Variants in ENTHD1 observed in about 807,000 individuals in gnomAD.
ENTHD1 encodes the protein ENTH domain-containing protein 1.
Under a neutral mutation model 39.1 loss-of-function variants are expected in ENTHD1, and 23 were observed. The observed-to-expected ratio is 0.59, with a 90% CI of 0.42 to 0.83. The LOEUF (loss-of-function observed/expected upper bound fraction) is 0.83. Among genes scored for constraint, ENTHD1 ranks in the 40% least tolerant of loss-of-function variants. The pLI is 0.00. For synonymous variants in ENTHD1, 230 were observed against 258.2 expected, an observed-to-expected ratio of 0.89 and a Z score of 1.05; for missense variants, 624 against 705.4, an observed-to-expected ratio of 0.88 and a Z score of 1.31.
intron 5 of ENTHD1, among the ~76,000 whole-genome samples, chr22:39,808,792 T>C (rs1228890776): frequency 2.0e-5 from 3 of 152,192 alleles, no homozygotes; most frequent in Non-Finnish European, 4.4e-5. Context: ...TTACCACCCT[T>C]CTGGTCTTTT....
rs374852352 is a variant in ENTHD1, at chr22:39,770,352, C to A, written c.833-4743G>T. ...GCTCCTGACTGCAACACCCTTGCAA[C>A]GCTTCTCCACTCCATCGGTGGAGAA... On this transcript the variant is annotated intron_variant, in intron 5 of 6. Coordinates refer to ENST00000325157, the MANE Select transcript of ENTHD1 (RefSeq NM_152512.4). 1.4e-3 allele frequency among the ~76,000 whole-genome samples: 208 copies of A among 152,272 alleles called. 4 individuals carry two copies. In the South Asian group the frequency reaches 0.041, roughly 30 times the overall value.
rs528664825 is a variant in ENTHD1 at position 39,867,063 on chromosome 22, C to T, written c.350-5056G>A. On this transcript the variant is annotated intron_variant, in intron 2 of 6. Coordinates refer to ENST00000325157, the MANE Select transcript of ENTHD1 (RefSeq NM_152512.4). The surrounding 1 kb of genome is among the most constrained non-coding windows in gnomAD (Gnocchi z 4.5). ...GACTACAGGCGCCCGCCACCAGGCC[C>T]GGCTAATTTTTTTGCATTTTTAGTA... is the stretch of plus-strand genomic sequence containing the variant. 2.3e-3 allele frequency among the ~76,000 whole-genome samples: 351 copies of T among 152,098 alleles called. 2 individuals are homozygous for T. Among genetic ancestry groups the T allele is most frequent in the African/African-American group, 7.1e-3 (296 of 41,484 alleles).
chr22:39,765,199 T>G (rs771854111), intron 6 of ENTHD1, 24 bp downstream of exon 6: 1 of 1,557,180 alleles, frequency 6.4e-7, no homozygotes, highest in African/African-American at 1.4e-5. Flanking sequence ...TGTGTGTGTG[T>G]GTGTGTGTGT....
intron 3 of ENTHD1, among the ~76,000 whole-genome samples, chr22:39,842,638 A>G (rs1405000031): frequency 1.3e-5 from 2 of 152,114 alleles, no homozygotes; most frequent in African/African-American, 2.4e-5. Context: ...GAGCTTCTGT[A>G]CAGCAAAAGA....
chr22:39,792,533 C>A (rs1030492301), intron 5 of ENTHD1, among the ~76,000 whole-genome samples: 1 of 152,086 alleles, frequency 6.6e-6, no homozygotes, highest in Non-Finnish European at 1.5e-5. Flanking sequence ...AATTGCAAAT[C>A]TGTGCTGATG....
chr22:39,816,494 A>G (rs1291784069), intron 5 of ENTHD1, among the ~76,000 whole-genome samples: 1 of 152,234 alleles, frequency 6.6e-6, no homozygotes, highest in Admixed American at 6.5e-5. Context: ...AACAGACCAG[A>G]ACAAGAAAAG....
intron 3 of ENTHD1, among the ~76,000 whole-genome samples, chr22:39,838,051 G>A (rs982171736): frequency 6.6e-6 from 1 of 152,162 alleles, no homozygotes; most frequent in African/African-American, 2.4e-5. Flanking sequence ...GTTCTGTAGA[G>A]TTGATGAAAG....
intron 5 of ENTHD1, among the ~76,000 whole-genome samples, chr22:39,768,751 T>C (rs1205206008): frequency 6.6e-6 from 1 of 152,116 alleles, no homozygotes; most frequent in African/African-American, 2.4e-5. Context: ...ATATCAACTT[T>C]ATATGTTGAT....
chr22:39,784,543 T>TACACACACACACACAC (rs3044403), intron 5 of ENTHD1, among the ~76,000 whole-genome samples: 336 of 142,350 alleles, frequency 2.4e-3, no homozygotes, highest in South Asian at 7.3e-3. Context: ...TCTCTCTGTA[T>TACACACACACACACAC]ACACACACAC....
chr22:39,827,284 G>A (rs911212522), intron 4 of ENTHD1, among the ~76,000 whole-genome samples: 5 of 151,966 alleles, frequency 3.3e-5, no homozygotes, highest in Non-Finnish European at 2.9e-5. Context: ...CAAAGAGCTG[G>A]GATTACAGGC....
chr22:39,877,073 G>A (rs1041966084), intron 2 of ENTHD1, among the ~76,000 whole-genome samples: 4 of 152,176 alleles, frequency 2.6e-5, no homozygotes, highest in African/African-American at 4.8e-5. Context: ...GATTCAGGAC[G>A]ATCACTTGGG....
Position 39,887,843 on chromosome 22 carries a change from C to T in ENTHD1, c.-95G>A, listed in dbSNP as rs2066393460. 2.5e-6 allele frequency: 2 copies of T among 798,076 alleles called. No homozygotes were observed. The highest frequency in any genetic ancestry group is 3.9e-6 in the Non-Finnish European group (2 of 515,368). The allele number at this position is 798,076 out of a possible 1,614,324, so 49.4% of individuals were successfully genotyped here. A position where few individuals can be genotyped will look rare whatever the true frequency, so the allele number is the denominator to read the frequency against. ...TAAAACTCTTGACAGGTAATTGGTC[C>T]CCAGTTCTGCTGCTCCCAAATACAA... On this transcript the variant is annotated 5_prime_UTR_variant, in exon 2 of 7. Transcript: ENST00000325157.
intron 4 of ENTHD1, among the ~76,000 whole-genome samples, chr22:39,829,528 T>C (rs2065851064): frequency 6.6e-6 from 1 of 152,130 alleles, no homozygotes; most frequent in African/African-American, 2.4e-5. Context: ...CTCACGCCTG[T>C]TATCTCAGCA....
chr22:39,772,168 C>A (rs1436018980), intron 5 of ENTHD1, among the ~76,000 whole-genome samples: 2 of 152,146 alleles, frequency 1.3e-5, no homozygotes, highest in Non-Finnish European at 2.9e-5. Flanking sequence ...TACCTCAGAT[C>A]ATGTGGCATT....
At chr22:39,883,373 T>C (rs1445528128) in intron 2 of ENTHD1, among the ~76,000 whole-genome samples, 1 of 152,122 alleles carries the variant, frequency 6.6e-6, no homozygotes, top group Non-Finnish European at 1.5e-5. Flanking sequence ...CCTTATCTTA[T>C]ACATATAAAA....
chr22:39,831,512 T>C (rs1175251746), intron 4 of ENTHD1, among the ~76,000 whole-genome samples: 1 of 152,060 alleles, frequency 6.6e-6, no homozygotes, highest in Non-Finnish European at 1.5e-5. Flanking sequence ...AATTCACTCC[T>C]GAAAAAGTCA....
chr22:39,791,470 C>A (rs901805542), intron 5 of ENTHD1, among the ~76,000 whole-genome samples: 2 of 151,986 alleles, frequency 1.3e-5, no homozygotes, highest in Non-Finnish European at 2.9e-5. Context: ...CCTCAGCTCA[C>A]TGCAACCTCC....
intron 6 of ENTHD1, chr22:39,750,853 A>G (rs1328900923): frequency 6.2e-6 from 1 of 160,496 alleles, no homozygotes; most frequent in African/African-American, 2.4e-5. Context: ...TTCTTCCCAT[A>G]CAACTAGGAT....
intron 2 of ENTHD1, among the ~76,000 whole-genome samples, chr22:39,866,145 G>A (rs1169801195): frequency 1.3e-5 from 2 of 152,214 alleles, no homozygotes; most frequent in Non-Finnish European, 2.9e-5. Flanking sequence ...ACGGGGGCGT[G>A]AGGGTAGGGT....
Sources: gnomAD v4.1 joint callset for allele counts (sites outside exome capture counted in the v4.1 genomes callset) on GRCh38, gnomAD v4.1.1 for gene constraint, Gnocchi (gnomAD v3.1) non-coding constraint, MANE v1.5 for transcripts, NCBI Gene and HGNC (gene_info 2026-07-23, HGNC 2026-07-21) for gene names.